Variants in SPAG16 observed in about 807,000 individuals in gnomAD.
SPAG16 encodes the protein sperm-associated antigen 16 protein.
In SPAG16, 86 loss-of-function variants were observed where a neutral mutation model predicts 80.4. The observed-to-expected ratio is 1.07, with a 90% CI of 0.90 to 1.28. The LOEUF (loss-of-function observed/expected upper bound fraction) is 1.28, where lower values mean the gene tolerates loss of function less well. Ranked by LOEUF, SPAG16 falls within the 50% of genes most tolerant of loss-of-function variation. SPAG16 has a pLI of 0.00. For missense variants in SPAG16, 870 were observed against 765.3 expected, an observed-to-expected ratio of 1.14 and a Z score of -1.61; for synonymous variants, 294 against 265.9, an observed-to-expected ratio of 1.11 and a Z score of -1.03.
At chr2:214,305,226 T>C (rs1694831289) in intron 15 of SPAG16, among the ~76,000 whole-genome samples, 1 of 152,222 alleles carries the variant, frequency 6.6e-6, no homozygotes. Flanking sequence ...TGGAGTTCTT[T>C]GTTTCTTGCC....
intron 10 of SPAG16, among the ~76,000 whole-genome samples, chr2:213,633,940 G>A (rs1407215496): frequency 6.6e-6 from 1 of 151,886 alleles, no homozygotes; most frequent in African/African-American, 2.4e-5. Flanking sequence ...TGTTTCTTAG[G>A]AATAGATCCA....
chr2:213,952,831 G>C (rs888296738), intron 12 of SPAG16, among the ~76,000 whole-genome samples: 4 of 152,068 alleles, frequency 2.6e-5, no homozygotes, highest in Non-Finnish European at 5.9e-5. Context: ...TTACCAGAAT[G>C]AGAAAGCTCC....
At chr2:213,469,595 T>TTC (rs1323991382) in intron 9 of SPAG16, among the ~76,000 whole-genome samples, 4 of 144,062 alleles carry the variant, frequency 2.8e-5, no homozygotes, top group African/African-American at 5.6e-5. Flanking sequence ...TTTTTTTTTT[T>TTC]TCCTGGTGGA....
intron 10 of SPAG16, among the ~76,000 whole-genome samples, chr2:213,546,735 T>C (rs959858671): frequency 4.6e-5 from 7 of 152,158 alleles, no homozygotes; most frequent in Non-Finnish European, 1.0e-4. Flanking sequence ...AAAATATTCT[T>C]GTAACACAAG....
intron 9 of SPAG16, among the ~76,000 whole-genome samples, chr2:213,475,852 A>T (rs1373668190): frequency 1.3e-5 from 2 of 152,174 alleles, no homozygotes; most frequent in East Asian, 3.9e-4. Flanking sequence ...GCCTAATAAG[A>T]TGTCTTCCAA....
chr2:213,675,931 T>A (rs1474672887), intron 10 of SPAG16, among the ~76,000 whole-genome samples: 3 of 152,070 alleles, frequency 2.0e-5, no homozygotes, highest in African/African-American at 7.2e-5. Flanking sequence ...AGAAAGTCAT[T>A]GGTAGCTTGA....
intron 11 of SPAG16, among the ~76,000 whole-genome samples, chr2:213,907,622 A>G (rs1322299468): frequency 6.6e-6 from 1 of 152,206 alleles, no homozygotes; most frequent in Non-Finnish European, 1.5e-5. Flanking sequence ...AAATCAACCT[A>G]AATGTCCATC....
chr2:214,185,143 A>G (rs1050172604), intron 15 of SPAG16, among the ~76,000 whole-genome samples: 2 of 152,090 alleles, frequency 1.3e-5, no homozygotes, highest in Non-Finnish European at 2.9e-5. Context: ...ATGCTTTGAA[A>G]AGTGCTCGTT....
At chr2:213,874,911 G>GAA (rs2076086347) in intron 11 of SPAG16, among the ~76,000 whole-genome samples, 1 of 152,032 alleles carries the variant, frequency 6.6e-6, no homozygotes, top group African/African-American at 2.4e-5. Flanking sequence ...GGTTTGCCCA[G>GAA]AAAAGTCCCA....
At chr2:213,865,769 T>C (rs2075658037) in intron 11 of SPAG16, among the ~76,000 whole-genome samples, 1 of 147,058 alleles carries the variant, frequency 6.8e-6, no homozygotes, top group Non-Finnish European at 1.5e-5. Flanking sequence ...TATGTGTAAA[T>C]TCAGAATTTG....
In SPAG16 at chr2:213,771,322, G is replaced by A. The variant is rs941239370; in HGVS notation, c.1071-91163G>A. On this transcript the variant is annotated intron_variant, in intron 10 of 15. Transcript: ENST00000331683. ...TTAATGTTTTTTTCCTTGTAAATTT[G>A]TTTAAGTTCCTTGTAGATTCTGGAT... Among the ~76,000 whole-genome samples the A allele has an allele frequency of 2.6e-5, 4 of 151,784 alleles. No homozygotes were observed. The East Asian group carries it at 7.7e-4, about 29-fold the overall frequency.
chr2:213,792,867 A>AG (rs1347809513), intron 10 of SPAG16, among the ~76,000 whole-genome samples: 1 of 151,904 alleles, frequency 6.6e-6, no homozygotes. Context: ...CTTCAATCCC[A>AG]GGAGGTCTGA....
At chr2:213,585,712 A>G (rs2060449052) in intron 10 of SPAG16, among the ~76,000 whole-genome samples, 1 of 152,224 alleles carries the variant, frequency 6.6e-6, no homozygotes, top group South Asian at 2.1e-4. Flanking sequence ...TCACTCTAAA[A>G]TATATCAAAG....
chr2:213,522,858 A>AAT (rs756201805), intron 10 of SPAG16, among the ~76,000 whole-genome samples: 31 of 149,220 alleles, frequency 2.1e-4, no homozygotes, highest in African/African-American at 6.8e-4. Context: ...TAAAAAAACT[A>AAT]ATATATATAT....
intron 9 of SPAG16, among the ~76,000 whole-genome samples, chr2:213,379,597 C>A (rs1191005766): frequency 6.6e-6 from 1 of 152,168 alleles, no homozygotes; most frequent in South Asian, 2.1e-4. Flanking sequence ...TTAGGATAGG[C>A]AAACCCATAT....
intron 10 of SPAG16, among the ~76,000 whole-genome samples, chr2:213,533,798 T>C (rs1393666654): frequency 2.6e-5 from 4 of 152,154 alleles, no homozygotes; most frequent in South Asian, 2.1e-4. Flanking sequence ...TTGCTATTAG[T>C]ATTTTATATA....
At chr2:213,562,770 A>G (rs2059634746) in intron 10 of SPAG16, among the ~76,000 whole-genome samples, 2 of 144,480 alleles carry the variant, frequency 1.4e-5, no homozygotes, top group South Asian at 4.4e-4. Context: ...AGATGGTGCT[A>G]TTTTCTCTCT....
At chr2:214,370,999 A>C (rs897368352) in intron 15 of SPAG16, among the ~76,000 whole-genome samples, 2 of 152,104 alleles carry the variant, frequency 1.3e-5, no homozygotes, top group African/African-American at 4.8e-5. Flanking sequence ...TTTAGTCCCC[A>C]TCCTCTGTGC....
intron 15 of SPAG16, among the ~76,000 whole-genome samples, chr2:214,228,113 A>G (rs1688408496): frequency 6.6e-6 from 1 of 151,984 alleles, no homozygotes; most frequent in Non-Finnish European, 1.5e-5. Flanking sequence ...TCCAATTAGT[A>G]GAGTGGGCCA....
Sources: gnomAD v4.1 joint callset for allele counts (sites outside exome capture counted in the v4.1 genomes callset) on GRCh38, gnomAD v4.1.1 for gene constraint, MANE v1.5 for transcripts, NCBI Gene and HGNC (gene_info 2026-07-23, HGNC 2026-07-21) for gene names.